ITGBL1: variants seen among roughly 807,000 people sequenced by gnomAD.
The protein encoded by ITGBL1 is integrin subunit beta like 1.
A neutral mutation model predicts 68.5 loss-of-function variants in ITGBL1; 51 were observed. The observed-to-expected ratio is 0.74, with a 90% CI of 0.59 to 0.94. The LOEUF (loss-of-function observed/expected upper bound fraction) is 0.94, where lower values mean the gene tolerates loss of function less well. Ranked by LOEUF, ITGBL1 falls within the 40% of genes least tolerant of loss-of-function variation. The pLI, the probability that ITGBL1 is intolerant of heterozygous loss-of-function variation, is 0.00. For synonymous variants in ITGBL1, 209 were observed against 227.3 expected (o/e 0.92, Z 0.72); for missense variants, 649 against 647.4 (o/e 1.00, Z -0.03).
At chr13:101,640,786 C>G (rs1034287877) in intron 7 of ITGBL1, among the ~76,000 whole-genome samples, 1 of 152,094 alleles carries the variant, frequency 6.6e-6, no homozygotes, top group African/African-American at 2.4e-5. Context: ...CCCTCTCTCC[C>G]TTTCTAGTAG....
chr13:101,501,711 C>T (rs1300903327), intron 2 of ITGBL1, among the ~76,000 whole-genome samples: 2 of 152,090 alleles, frequency 1.3e-5, no homozygotes, highest in Non-Finnish European at 2.9e-5. Flanking sequence ...GGCTCTACTC[C>T]CCAGCAAGGT....
Position 101,569,948 on chromosome 13 carries a change from G to T in ITGBL1, c.463+2103G>T, listed in dbSNP as rs1383152497. On this transcript the variant is annotated intron_variant, in intron 3 of 10. Transcript: ENST00000376180. ...GAGGAAATACTTTAAAGCCATACAT[G>T]TATCACATTCCTCACTAAAATTACC... 2.6e-5 allele frequency among the ~76,000 whole-genome samples: 4 copies of T among 152,076 alleles called. No homozygotes were observed. The East Asian group carries it at 7.7e-4, about 29-fold the overall frequency.
intron 7 of ITGBL1, among the ~76,000 whole-genome samples, chr13:101,637,619 A>T (rs1040383955): frequency 1.3e-5 from 2 of 152,338 alleles, no homozygotes; most frequent in African/African-American, 4.8e-5. Context: ...CTGGGATTAC[A>T]GGCGTGAGCC....
At chr13:101,573,607 C>T (rs557458800) in intron 3 of ITGBL1, among the ~76,000 whole-genome samples, 1 of 152,210 alleles carries the variant, frequency 6.6e-6, no homozygotes, top group East Asian at 1.9e-4. Context: ...AGAAACATGA[C>T]TGGGTACATA....
rs190172607 is a variant in ITGBL1, at chr13:101,553,222, T to C, written c.317-14477T>C. ...TTCTTTCCTACTGCCTTTAGACACA[T>C]GTTAGCAAGGAGAAATATATACTTT... On this transcript the variant is annotated intron_variant, in intron 2 of 10. Coordinates refer to ENST00000376180, the MANE Select transcript of ITGBL1 (RefSeq NM_004791.3). Among the ~76,000 whole-genome samples, 17 of 152,298 alleles carry C rather than the reference T, an allele frequency of 1.1e-4. No individual in the cohort carries two copies. The East Asian group carries it at 3.3e-3, about 29-fold the overall frequency.
intron 7 of ITGBL1, among the ~76,000 whole-genome samples, chr13:101,604,845 AATATAT>A (rs1555361671): frequency 0.021 from 620 of 29,376 alleles, 65 homozygotes; most frequent in African/African-American, 0.061. Flanking sequence ...AGGTGAAGGC[AATATAT>A]ATATATATAT....
chr13:101,586,532 A>G (rs1049754108), intron 6 of ITGBL1, among the ~76,000 whole-genome samples: 1 of 152,192 alleles, frequency 6.6e-6, no homozygotes, highest in African/African-American at 2.4e-5. Flanking sequence ...AGAGGGAGGC[A>G]TTATTGTCTA....
intron 7 of ITGBL1, among the ~76,000 whole-genome samples, chr13:101,643,588 AAC>A (rs2032461644): frequency 6.6e-6 from 1 of 152,188 alleles, no homozygotes; most frequent in Non-Finnish European, 1.5e-5. Context: ...GTGATCACAG[AAC>A]ACAGTTTGTG....
chr13:101,655,448 C>T (rs1200796333), intron 7 of ITGBL1, among the ~76,000 whole-genome samples: 1 of 152,108 alleles, frequency 6.6e-6, no homozygotes, highest in Non-Finnish European at 1.5e-5. Context: ...TAGTTATTTT[C>T]CTATTTCTAC....
chr13:101,514,578 T>G (rs570091024), intron 2 of ITGBL1, among the ~76,000 whole-genome samples: 6 of 152,172 alleles, frequency 3.9e-5, no homozygotes, highest in Admixed American at 1.3e-4. Flanking sequence ...ATGAGAAATA[T>G]AAAAACAAAT....
intron 2 of ITGBL1, among the ~76,000 whole-genome samples, chr13:101,534,582 G>C (rs2049538541): frequency 6.6e-6 from 1 of 152,138 alleles, no homozygotes; most frequent in Admixed American, 6.6e-5. Context: ...AGTCACAACT[G>C]ACAGGACCAG....
rs1374796328 is a variant in ITGBL1, at chr13:101,452,947, T to A, written c.98+16T>A. 1.2e-6 allele frequency: 2 copies of A among 1,604,194 alleles called. No homozygotes were observed. Among genetic ancestry groups the A allele is most frequent in the Non-Finnish European group, 8.5e-7 (1 of 1,170,866 alleles). ...CATCTCTGAGGTAAGTTTGGTTTGT[T>A]ATTCTTCAGTACAGACCTGCCCTGC... On this transcript the variant is annotated intron_variant, in intron 1 of 10. Coordinates refer to ENST00000376180, the MANE Select transcript of ITGBL1 (RefSeq NM_004791.3).
chr13:101,486,754 T>A (rs1017476437), intron 2 of ITGBL1, among the ~76,000 whole-genome samples: 13 of 152,236 alleles, frequency 8.5e-5, no homozygotes, highest in African/African-American at 3.1e-4. Context: ...TCATTAATGC[T>A]AATTGCTATT....
At position 101,715,670 on chromosome 13, in the gene ITGBL1, G is replaced by C; in HGVS notation, c.*16G>C. On this transcript the variant is annotated 3_prime_UTR_variant, in exon 11 of 11. Coordinates refer to ENST00000376180, the MANE Select transcript of ITGBL1 (RefSeq NM_004791.3). The stretch of plus-strand genomic sequence containing the variant: ...ATATCCTTAACAATTACATGAGAGA[G>C]GTCTGGATTCTTATTTTTTCTGGGC... 5 of 1,546,112 alleles carry C rather than the reference G, an allele frequency of 3.2e-6. No individual in the cohort carries two copies. Among genetic ancestry groups the C allele is most frequent in the Non-Finnish European group, 4.5e-6 (5 of 1,118,262 alleles).
At chr13:101,474,286 G>T (rs1297237744) in intron 2 of ITGBL1, among the ~76,000 whole-genome samples, 1 of 152,088 alleles carries the variant, frequency 6.6e-6, no homozygotes, top group Non-Finnish European at 1.5e-5. Flanking sequence ...GTGAACATTG[G>T]TACCAAGCCT....
intron 2 of ITGBL1, among the ~76,000 whole-genome samples, chr13:101,555,046 T>C (rs12864988): frequency 0.31 from 47,386 of 152,028 alleles, 7,535 homozygotes; most frequent in South Asian, 0.37. Context: ...TTACTGCTTA[T>C]AGAAAGACTG....
intron 4 of ITGBL1, among the ~76,000 whole-genome samples, chr13:101,576,258 C>T (rs1229834232): frequency 1.3e-5 from 2 of 152,118 alleles, no homozygotes; most frequent in African/African-American, 4.8e-5. Context: ...GGGCTCGTGT[C>T]TGTGTGATGC....
At chr13:101,676,399 T>C (rs867605198) in intron 7 of ITGBL1, among the ~76,000 whole-genome samples, 8 of 152,096 alleles carry the variant, frequency 5.3e-5, no homozygotes, top group Admixed American at 1.3e-4. Flanking sequence ...AAAGTGAAAA[T>C]CTGTGGTGTT....
chr13:101,462,123 CTCCCAAA>C (rs903239485), intron 2 of ITGBL1, among the ~76,000 whole-genome samples: 8 of 152,178 alleles, frequency 5.3e-5, no homozygotes, highest in African/African-American at 1.9e-4. Context: ...AAGTACCCCA[CTCCCAAA>C]TCTCAAAACT....
Sources: gnomAD v4.1 joint callset for allele counts (sites outside exome capture counted in the v4.1 genomes callset) on GRCh38, gnomAD v4.1.1 for gene constraint, MANE v1.5 for transcripts, NCBI Gene and HGNC (gene_info 2026-07-23, HGNC 2026-07-21) for gene names.